The following EMILIN2 variants were observed in gnomAD, a reference collection of about 807,000 sequenced individuals.
EMILIN2 encodes the protein EMILIN-2.
EMILIN2 carries 71 observed loss-of-function variants against 87.1 expected under a neutral mutation model. The ratio of observed to expected loss-of-function variants is 0.82; its 90% CI spans 0.67 to 0.99. The LOEUF is 0.99. Ranked by LOEUF, EMILIN2 falls within the 50% of genes least tolerant of loss-of-function variation. The pLI, the probability that EMILIN2 is intolerant of heterozygous loss-of-function variation, is 0.00. For synonymous variants in EMILIN2, 581 were observed against 563.4 expected (o/e 1.03, Z -0.44); for missense variants, 1,407 against 1,371.8 (o/e 1.03, Z -0.40).
At chr18:2,897,752 C>G (rs976795936) in intron 4 of EMILIN2, among the ~76,000 whole-genome samples, 3 of 151,830 alleles carry the variant, frequency 2.0e-5, no homozygotes. Flanking sequence ...ATTCCACCTA[C>G]TTGAGAGGCT....
chr18:2,909,947 G>A (rs2144076702), intron 7 of EMILIN2, 128 bp downstream of exon 7: 1 of 1,263,806 alleles, frequency 7.9e-7, no homozygotes, highest in South Asian at 1.4e-5. Flanking sequence ...TGGAGCAGAT[G>A]CCCGAGTGGG....
chr18:2,854,387 C>A (rs183824088), intron 2 of EMILIN2, among the ~76,000 whole-genome samples: 1 of 152,262 alleles, frequency 6.6e-6, no homozygotes, highest in Admixed American at 6.5e-5. Flanking sequence ...GTTCAGGACA[C>A]CTCTAATCCT....
chr18:2,856,132 C>G (rs1427909147), intron 2 of EMILIN2, among the ~76,000 whole-genome samples: 3 of 152,046 alleles, frequency 2.0e-5, no homozygotes, highest in Non-Finnish European at 4.4e-5. Context: ...TCCAGCTACT[C>G]GGGAGGCTGA....
chr18:2,906,952 G>T lies in EMILIN2; in HGVS notation c.2529G>T (p.Gly843=). Residue 843 remains glycine (G), a synonymous_variant, in exon 5 of 8, where the codon GGG becomes GGT. Transcript: ENST00000254528. ...CGCCCCAGCCGCCAGGCTCCACCGGGGTCATCGCGGAGACGGGCCAGGCCG... is the reference window on the plus strand; with the variant it reads ...CGCCCCAGCCGCCAGGCTCCACCGGTGTCATCGCGGAGACGGGCCAGGCCG... ...ERPPQPPGST[G]VIAETGQAGP... 7.1e-7 allele frequency: 1 copy of T among 1,405,888 alleles called. No homozygotes were observed. The highest frequency in any genetic ancestry group is 1.5e-5 in the African/African-American group (1 of 67,100). The allele number at this position is 1,405,888 out of a possible 1,614,324, so 87.1% of individuals were successfully genotyped here.
At chr18:2,903,347 C>G (rs974696613) in intron 4 of EMILIN2, among the ~76,000 whole-genome samples, 9 of 152,128 alleles carry the variant, frequency 5.9e-5, no homozygotes, top group African/African-American at 2.2e-4. Context: ...GTGTCTTCTA[C>G]AATTATATTT....
intron 2 of EMILIN2, among the ~76,000 whole-genome samples, chr18:2,879,249 G>A (rs1297751432): frequency 6.6e-6 from 1 of 152,214 alleles, no homozygotes; most frequent in Non-Finnish European, 1.5e-5. Context: ...CTGCGATGAT[G>A]GAGATGTTCA....
At chr18:2,872,634 T>C (rs1161330129) in intron 2 of EMILIN2, among the ~76,000 whole-genome samples, 1 of 152,236 alleles carries the variant, frequency 6.6e-6, no homozygotes, top group Non-Finnish European at 1.5e-5. Flanking sequence ...GTAATGTAGA[T>C]TACTTACTTG....
chr18:2,850,093 A>ATTTTTTTTTTTTT (rs71366611), intron 2 of EMILIN2, among the ~76,000 whole-genome samples: 1 of 122,540 alleles, frequency 8.2e-6, no homozygotes, highest in Non-Finnish European at 1.7e-5. Context: ...TGCCCAGCTA[A>ATTTTTTTTTTTTT]TTTTTTTTTT....
intron 4 of EMILIN2, 121 bp downstream of exon 4, chr18:2,892,607 T>A (rs1405723132): frequency 6.6e-6 from 9 of 1,356,008 alleles, no homozygotes; most frequent in Non-Finnish European, 8.9e-6. Context: ...AATGTGACAG[T>A]ATTATGCTAG....
At chr18:2,857,024 G>A (rs1454434840) in intron 2 of EMILIN2, among the ~76,000 whole-genome samples, 3 of 152,158 alleles carry the variant, frequency 2.0e-5, no homozygotes, top group Admixed American at 1.3e-4. Flanking sequence ...TTCCTGGTTC[G>A]AAAATGCTGT....
chr18:2,877,158 C>CTAACAT (rs1439236212), intron 2 of EMILIN2, among the ~76,000 whole-genome samples: 1 of 152,212 alleles, frequency 6.6e-6, no homozygotes, highest in African/African-American at 2.4e-5. Flanking sequence ...AGTGCACCTC[C>CTAACAT]TAACATGCAG....
In EMILIN2 at chr18:2,880,431, G is replaced by A. The variant is rs1261087277; in HGVS notation, c.258-4533G>A. 6.6e-6 allele frequency among the ~76,000 whole-genome samples: 1 copy of A among 152,200 alleles called. No individual in the cohort carries two copies. On this transcript the variant is annotated intron_variant, in intron 2 of 7. Transcript: ENST00000254528. This position sits in a 1 kb window ranked among gnomAD's most constrained non-coding sequence, Gnocchi z 4.1. ...GGCAAAGGAGACTTGGCTGGAATGG[G>A]GGAGAGTTCACAGGGGCGAGGCGGC...
Position 2,913,084 on chromosome 18 carries a change from T to TA in EMILIN2, c.2843dup (p.Tyr948Ter), listed in dbSNP as rs771433063. Residue 948 changes from tyrosine to a stop codon, truncating the protein, a stop_gained and frameshift_variant, in exon 8 of 8, where the codon TAT becomes TAAT. Coordinates refer to ENST00000254528, the MANE Select transcript of EMILIN2 (RefSeq NM_032048.3). LOFTEE classifies it high-confidence loss of function. ...CCCCGCAGGGGTCTTCACGGCTCCT[T>TA]ATGATGGGCGCTACCTGATCACGGC... ...NPSTGVFTAP[Y>*]DGRYLITATL... 65 of 1,610,414 alleles carry TA rather than the reference T, an allele frequency of 4.0e-5. No individual in the cohort carries two copies. The highest frequency in any genetic ancestry group is 2.7e-5 in the African/African-American group (2 of 74,878).
Position 2,892,498 on chromosome 18 carries a change from A to G in EMILIN2, c.2359+12A>G. On this transcript the variant is annotated intron_variant, in intron 4 of 7. Transcript: ENST00000254528. ...TCAGCCATCAGCAAGTAAGTTGAAT[A>G]TTACAATTCTATTTCTTGTATTTCT... 1.3e-6 allele frequency: 2 copies of G among 1,564,802 alleles called. No homozygotes were observed. The highest frequency in any genetic ancestry group is 1.1e-5 in the South Asian group (1 of 87,746).
chr18:2,906,014 C>G, intron 4 of EMILIN2, among the ~76,000 whole-genome samples: 1 of 152,060 alleles, frequency 6.6e-6, no homozygotes, highest in East Asian at 1.9e-4. Flanking sequence ...AAATGTGTTG[C>G]GCTTTGGAAC....
intron 2 of EMILIN2, among the ~76,000 whole-genome samples, chr18:2,857,941 G>A (rs1400903340): frequency 2.0e-5 from 3 of 152,216 alleles, no homozygotes; most frequent in Admixed American, 2.0e-4. Context: ...GGCCACTCTC[G>A]AGATTTGCGA....
In EMILIN2 at chr18:2,858,542, T is replaced by C. The variant is rs1186193195; in HGVS notation, c.257+10611T>C. Among the ~76,000 whole-genome samples the C allele has an allele frequency of 1.3e-4, 5 of 38,774 alleles. 1 individual carries two copies. The highest frequency in any genetic ancestry group is 2.5e-4 in the Admixed American group (1 of 3,970). 25.4% of individuals were successfully genotyped at this position (38,774 alleles called of 152,430 possible). On this transcript the variant is annotated intron_variant, in intron 2 of 7. Coordinates refer to ENST00000254528, the MANE Select transcript of EMILIN2 (RefSeq NM_032048.3). ...TCCATCATATATATATATATATATA[T>C]ATATATATATATATATATATATATA...
chr18:2,904,836 G>A (rs766579713), intron 4 of EMILIN2, among the ~76,000 whole-genome samples: 13 of 152,146 alleles, frequency 8.5e-5, no homozygotes, highest in Admixed American at 2.0e-4. Flanking sequence ...AGAGTTTCAC[G>A]ACTGTGGGCA....
upstream of EMILIN2, among the ~76,000 whole-genome samples, chr18:2,846,641 C>T (rs1411976491): frequency 6.6e-6 from 1 of 152,248 alleles, no homozygotes; most frequent in Non-Finnish European, 1.5e-5. The surrounding 1 kb of genome is among the most constrained non-coding windows in gnomAD (Gnocchi z 5.3). Flanking sequence ...ATAAACATGT[C>T]CCTCATTCGC....
Sources: gnomAD v4.1 joint callset for allele counts (sites outside exome capture counted in the v4.1 genomes callset) on GRCh38, gnomAD v4.1.1 for gene constraint, Gnocchi (gnomAD v3.1) non-coding constraint, MANE v1.5 for transcripts, NCBI Gene and HGNC (gene_info 2026-07-23, HGNC 2026-07-21) for gene names.